The following MTMR8 variants were observed in gnomAD, a reference collection of about 807,000 sequenced individuals.
MTMR8 encodes the protein myotubularin related protein 8.
Under a neutral mutation model 39.3 loss-of-function variants are expected in MTMR8, and 65 were observed. The ratio of observed to expected loss-of-function variants is 1.65; its 90% CI spans 1.35 to 2.03. The LOEUF is 2.03. Among genes scored for constraint, MTMR8 ranks in the 30% most tolerant of loss-of-function variants. The pLI is 0.00. For synonymous variants in MTMR8, 245 were observed against 185.2 expected (o/e 1.32, Z -2.62); for missense variants, 777 against 538.9 (o/e 1.44, Z -4.37).
intron 1 of MTMR8, among the ~76,000 whole-genome samples, chrX:64,362,256 TAA>T (rs1923801005): frequency 9.3e-6 from 1 of 107,493 alleles, no homozygotes; most frequent in Non-Finnish European, 1.9e-5. Context: ...CCTCAATCTA[TAA>T]ATTCAATACA....
intron 8 of MTMR8, among the ~76,000 whole-genome samples, chrX:64,338,668 T>A (rs1923138152): frequency 8.9e-6 from 1 of 111,892 alleles, no homozygotes; most frequent in Non-Finnish European, 1.9e-5. Context: ...CTTTGAAAGA[T>A]CACTGTGGTG....
intron 12 of MTMR8, among the ~76,000 whole-genome samples, chrX:64,321,335 C>T (rs1473979238): frequency 9.0e-6 from 1 of 111,682 alleles, no homozygotes; most frequent in Non-Finnish European, 1.9e-5. Context: ...TAAGGGAAAC[C>T]TGGAGAATAG....
chrX:64,269,100 A>G, intron 13 of MTMR8, 57 bp from the exon 14 acceptor site: 1 of 1,117,212 alleles, frequency 9.0e-7, no homozygotes, highest in Admixed American at 2.4e-5. Context: ...AAAACTAGGC[A>G]AACATTACCT....
At chrX:64,344,207 C>A (rs891926601) in intron 7 of MTMR8, among the ~76,000 whole-genome samples, 3 of 110,925 alleles carry the variant, frequency 2.7e-5, no homozygotes, top group Non-Finnish European at 5.7e-5. Context: ...AATCTTTTGC[C>A]TTAAAAATCT....
chrX:64,348,883 G>A, intron 5 of MTMR8, 89 bp from the exon 6 acceptor site: 4 of 1,023,818 alleles, frequency 3.9e-6, no homozygotes, highest in Non-Finnish European at 5.4e-6. Context: ...ATGAGTAGAG[G>A]GAGAGGATGA....
intron 12 of MTMR8, among the ~76,000 whole-genome samples, chrX:64,291,444 G>C (rs1207517635): frequency 1.8e-5 from 2 of 110,978 alleles, no homozygotes; most frequent in Admixed American, 1.9e-4. Context: ...TTGAAGAGAA[G>C]TTTCCTTGCC....
intron 8 of MTMR8, among the ~76,000 whole-genome samples, chrX:64,343,313 A>G (rs751540545): frequency 8.9e-6 from 1 of 111,841 alleles, no homozygotes; most frequent in Non-Finnish European, 1.9e-5. Flanking sequence ...CATTTTCTGT[A>G]TGTATCATCA....
chrX:64,341,164 A>G lies in MTMR8; in HGVS notation c.975+2447T>C, dbSNP rs188925833. On this transcript the variant is annotated intron_variant, in intron 8 of 13. Transcript: ENST00000374852. ...TCTTAAGAAATGCTCATTAAATAGTATAAGTATAAAAGGTCAATTAAAGAA... is the reference window on the plus strand; with the variant it reads ...TCTTAAGAAATGCTCATTAAATAGTGTAAGTATAAAAGGTCAATTAAAGAA... Among the ~76,000 whole-genome samples the G allele has an allele frequency of 1.2e-4, 14 of 112,400 alleles. No individual in the cohort carries two copies. The Admixed American group carries it at 1.3e-3, about 11-fold the overall frequency.
At chrX:64,326,397 C>G (rs1286047002) in intron 12 of MTMR8, among the ~76,000 whole-genome samples, 3 of 111,675 alleles carry the variant, frequency 2.7e-5, no homozygotes, top group Admixed American at 1.9e-4. Flanking sequence ...TTTTATACAT[C>G]AATAGTAAAC....
chrX:64,285,484 C>T (rs915647934), intron 12 of MTMR8, among the ~76,000 whole-genome samples: 1 of 111,637 alleles, frequency 9.0e-6, no homozygotes, highest in Admixed American at 9.5e-5. Context: ...TAATAGACAT[C>T]TACAGAACAC....
chrX:64,287,191 T>A (rs1921214455), intron 12 of MTMR8, among the ~76,000 whole-genome samples: 1 of 111,324 alleles, frequency 9.0e-6, no homozygotes, highest in Non-Finnish European at 1.9e-5. Flanking sequence ...GAGAGCCAAA[T>A]CATGAGTGAA....
intron 12 of MTMR8, among the ~76,000 whole-genome samples, chrX:64,298,031 G>C (rs1324877068): frequency 2.4e-5 from 2 of 82,533 alleles, no homozygotes. Flanking sequence ...CTCCAGCTTT[G>C]TTCTTTTGGC....
rs770850595 is a variant in MTMR8 at position 64,296,520 on chromosome X, G to A, written c.1482-25447C>T. Among the ~76,000 whole-genome samples, 24 of 108,241 alleles carry A rather than the reference G, an allele frequency of 2.2e-4. No individual in the cohort carries two copies. The South Asian group carries it at 4.5e-3, about 20-fold the overall frequency. 94.0% of individuals were successfully genotyped at this position (108,241 alleles called of 115,157 possible). On this transcript the variant is annotated intron_variant, in intron 12 of 13. Coordinates refer to ENST00000374852, the MANE Select transcript of MTMR8 (RefSeq NM_017677.4). ...AAAAAATACCATGGGGCCAGAGGAC[G>A]GACTGTTATATAAATGAACCACAGA...
intron 1 of MTMR8, among the ~76,000 whole-genome samples, chrX:64,383,467 A>G (rs1364909380): frequency 9.2e-6 from 1 of 109,032 alleles, no homozygotes; most frequent in Non-Finnish European, 1.9e-5. Context: ...TACATACATA[A>G]TTTATTATAT....
At chrX:64,381,208 C>A (rs1924408321) in intron 1 of MTMR8, among the ~76,000 whole-genome samples, 1 of 111,790 alleles carries the variant, frequency 8.9e-6, no homozygotes, top group African/African-American at 3.3e-5. Context: ...TACAGTCCCA[C>A]CAACAGTGTA....
At chrX:64,335,288 T>A (rs1324255963) in intron 10 of MTMR8, among the ~76,000 whole-genome samples, 1 of 110,879 alleles carries the variant, frequency 9.0e-6, no homozygotes, top group Non-Finnish European at 1.9e-5. Flanking sequence ...CCCGCCACCA[T>A]GTCTGGCTAA....
At chrX:64,385,848 C>A (rs1215951362) in intron 1 of MTMR8, among the ~76,000 whole-genome samples, 1 of 111,649 alleles carries the variant, frequency 9.0e-6, no homozygotes, top group East Asian at 2.8e-4. Flanking sequence ...TACAATTCAA[C>A]TTGAGACTTG....
chrX:64,394,565 C>A, intron 1 of MTMR8, among the ~76,000 whole-genome samples: 1 of 111,680 alleles, frequency 9.0e-6, no homozygotes, highest in East Asian at 2.8e-4. Flanking sequence ...TGTTCCCCAG[C>A]CCCAGACAGG....
chrX:64,278,663 G>A (rs945517061), intron 12 of MTMR8, among the ~76,000 whole-genome samples: 2 of 108,447 alleles, frequency 1.8e-5, no homozygotes, highest in African/African-American at 6.7e-5. Flanking sequence ...TAGTAGAGAC[G>A]GGGTTACACC....
Sources: allele counts gnomAD v4.1 joint callset (sites outside exome capture counted in the v4.1 genomes callset), GRCh38; gene constraint gnomAD v4.1.1; transcripts MANE v1.5; gene names NCBI Gene and HGNC (gene_info 2026-07-23, HGNC 2026-07-21).